PPL: variants seen among roughly 807,000 people sequenced by gnomAD.
PPL encodes the protein periplakin.
A neutral mutation model predicts 194.4 loss-of-function variants in PPL; 198 were observed. That is an observed-to-expected ratio of 1.02 (90% CI 0.91 to 1.15). The LOEUF (loss-of-function observed/expected upper bound fraction) is 1.15, where lower values mean the gene tolerates loss of function less well. PPL is among the 50% of genes most tolerant of loss of function. The probability of loss-of-function intolerance (pLI) is 0.00; values close to 1 mark genes in which losing one functional copy is unlikely to be tolerated. For synonymous variants in PPL, 1,220 were observed against 972.4 expected (o/e 1.25, Z -4.74); for missense variants, 2,885 against 2,294.8 (o/e 1.26, Z -5.25).
intron 4 of PPL, among the ~76,000 whole-genome samples, chr16:4,901,467 T>C (rs2088569609): frequency 6.6e-6 from 1 of 152,108 alleles, no homozygotes; most frequent in Admixed American, 6.5e-5. Flanking sequence ...TGGGGTCGGA[T>C]CGCTTGAGCC....
chr16:4,896,978 T>C (rs983371987), intron 9 of PPL, among the ~76,000 whole-genome samples: 2 of 151,930 alleles, frequency 1.3e-5, no homozygotes, highest in Non-Finnish European at 2.9e-5. Context: ...GTTTTGCAAG[T>C]AGATGGTGGT....
At chr16:4,893,811 A>AAAG in intron 12 of PPL, 173 bp from the exon 13 acceptor site, 1 of 593,974 alleles carries the variant, frequency 1.7e-6, no homozygotes, top group Non-Finnish European at 3.0e-6. Context: ...CTGGGCTCAG[A>AAAG]GCTCTTCTCC....
chr16:4,916,155 G>C (rs1298003371), intron 1 of PPL, among the ~76,000 whole-genome samples: 1 of 152,180 alleles, frequency 6.6e-6, no homozygotes, highest in African/African-American at 2.4e-5. Context: ...TCCACAAAAA[G>C]TTAAGCAGTC....
chr16:4,904,841 C>T (rs777607404), intron 2 of PPL, among the ~76,000 whole-genome samples: 2 of 152,084 alleles, frequency 1.3e-5, no homozygotes, highest in Non-Finnish European at 2.9e-5. Context: ...TGGCAGCAGC[C>T]AGGTGACAGC....
Position 4,892,164 on chromosome 16 carries a change from G to C in PPL, c.1700C>G (p.Thr567Arg). 6.2e-7 allele frequency: 1 copy of C among 1,613,808 alleles called. No individual in the cohort carries two copies. Residue 567 changes from threonine to arginine, a missense_variant, in exon 15 of 22, where the codon ACG becomes AGG. Physicochemically the swap from Thr to Arg is moderately conservative, Grantham distance 71 (BLOSUM62 -1). Transcript: ENST00000345988. ...CTGGATGAAGGCTTCGCCCTCAGCC[G>C]TGCTCCGCGTCTTCTCAGGTTCAAT... ...LRIEPEKTRS[T>R]AEGEAFIQAL...
At position 4,899,110 on chromosome 16, in the gene PPL, T is replaced by C. The variant is rs143952365; in HGVS notation, c.779A>G (p.Asn260Ser). Residue 260 changes from asparagine to serine, a missense_variant, in exon 8 of 22, where the codon AAC (asparagine) becomes AGC (serine). Coordinates refer to ENST00000345988, the MANE Select transcript of PPL (RefSeq NM_002705.5). Reference protein sequence around the residue: ...SRRRQYENFINRNLEAKEERI... With the variant: ...SRRRQYENFISRNLEAKEERI... ...CTCCTCTTTGGCCTCCAGGTTCCGG[T>C]TGATGAAATTCTGCAGTGGGGGGCA... 2.1e-5 allele frequency: 34 copies of C among 1,583,552 alleles called. No homozygotes were observed. Among genetic ancestry groups the C allele is most frequent in the Non-Finnish European group, 2.5e-5 (29 of 1,162,594 alleles).
At chr16:4,926,979 C>T (rs2089166878) in intron 1 of PPL, among the ~76,000 whole-genome samples, 1 of 150,500 alleles carries the variant, frequency 6.6e-6, no homozygotes, top group African/African-American at 2.4e-5. Flanking sequence ...TATAATCTAA[C>T]TTTAATGATG....
Position 4,894,673 on chromosome 16 carries a change from G to A in PPL, c.1243-55C>T, listed in dbSNP as rs572382723. The A allele has an allele frequency of 7.7e-5, 121 of 1,581,426 alleles. No individual in the cohort carries two copies. The African/African-American group carries it at 1.4e-3, about 19-fold the overall frequency. On this transcript the variant is annotated intron_variant, in intron 11 of 21. Coordinates refer to ENST00000345988, the MANE Select transcript of PPL (RefSeq NM_002705.5). The stretch of plus-strand genomic sequence containing the variant: ...CCCGGCAGGGCCTGAGGGCCTGGGA[G>A]CCCGGTTGCCATCTCAGCCCCCGAC...
Position 4,909,748 on chromosome 16 carries a change from C to T in PPL, c.162+1102G>A, listed in dbSNP as rs570272002. 1.6e-4 allele frequency among the ~76,000 whole-genome samples: 25 copies of T among 152,190 alleles called. 1 individual carries two copies. In the East Asian group the frequency reaches 2.9e-3, roughly 18 times the overall value. On this transcript the variant is annotated intron_variant, in intron 2 of 21. Coordinates refer to ENST00000345988, the MANE Select transcript of PPL (RefSeq NM_002705.5). ...ACCTGGCCTGGTCCCACTTCTTAGT[C>T]GCCCCTGCATAGGGATGCCAGATGA...
At chr16:4,908,106 G>C (rs1194428760) in intron 2 of PPL, among the ~76,000 whole-genome samples, 1 of 146,446 alleles carries the variant, frequency 6.8e-6, no homozygotes, top group African/African-American at 2.5e-5. Flanking sequence ...AGGTTGCAGT[G>C]AGCCGAGATA....
chr16:4,893,966 C>T, intron 12 of PPL: 1 of 402,440 alleles, frequency 2.5e-6, no homozygotes, highest in Non-Finnish European at 4.5e-6. Context: ...GAATGATCCA[C>T]TCATTCAGCA....
In PPL at chr16:4,903,902, C is replaced by G; in HGVS notation, c.301G>C (p.Asp101His). ...GGGACCTACTCCTCGGCGATCATGT[C>G]CCCCTGTGGGTGCTTCATGTGCTTG... ...IAKHMKHPQGDMIAEDIRQLK... is the reference protein window; with the variant it reads ...IAKHMKHPQGHMIAEDIRQLK... Residue 101 changes from aspartate (D) to histidine (H), a missense_variant, in exon 3 of 22, where the codon GAC becomes CAC. Asp to His is a moderately conservative substitution (Grantham distance 81, BLOSUM62 -1). Coordinates refer to ENST00000345988, the MANE Select transcript of PPL (RefSeq NM_002705.5). The G allele has an allele frequency of 6.2e-7, 1 of 1,614,050 alleles. No homozygotes were observed. The highest frequency in any genetic ancestry group is 8.5e-7 in the Non-Finnish European group (1 of 1,180,038).
chr16:4,890,463 G>C, intron 17 of PPL, 129 bp from the exon 18 acceptor site: 2 of 1,248,944 alleles, frequency 1.6e-6, no homozygotes, highest in Non-Finnish European at 2.2e-6. Flanking sequence ...TCCCACACAG[G>C]GTGGGTGGTC....
chr16:4,924,979 T>C (rs1190544257), intron 1 of PPL, among the ~76,000 whole-genome samples: 1 of 152,212 alleles, frequency 6.6e-6, no homozygotes, highest in Non-Finnish European at 1.5e-5. Flanking sequence ...TCCTCCCATG[T>C]GTGGACACAG....
At chr16:4,911,574 G>A (rs1280963988) in intron 1 of PPL, among the ~76,000 whole-genome samples, 1 of 152,056 alleles carries the variant, frequency 6.6e-6, no homozygotes, top group African/African-American at 2.4e-5. Flanking sequence ...TCACACTCTT[G>A]CCCAGGCTGG....
rs1367215868 is a variant in PPL at position 4,919,362 on chromosome 16, G to C, written c.63-8413C>G. ...GTTCAGATCCTGACTGCACCAACCA[G>C]CAATGTGACCCTGTGACAGTGTGAC... On this transcript the variant is annotated intron_variant, in intron 1 of 21. Coordinates refer to ENST00000345988, the MANE Select transcript of PPL (RefSeq NM_002705.5). 3.9e-5 allele frequency among the ~76,000 whole-genome samples: 6 copies of C among 152,330 alleles called. No homozygotes were observed. In the East Asian group the frequency reaches 9.7e-4, roughly 25 times the overall value.
rs753092898 is a variant in PPL at position 4,885,621 on chromosome 16, G to A, written c.3034C>T (p.Gln1012Ter). 1.2e-6 allele frequency: 2 copies of A among 1,612,830 alleles called. No individual in the cohort carries two copies. Among genetic ancestry groups the A allele is most frequent in the South Asian group, 2.2e-5 (2 of 91,048 alleles). ...PDRAQADEVL[Q>*]LREELEALRR... ...AGTGCCTCCAGCTCCTCCCGCAGCT[G>A]CAAGACCTCATCCGCCTGGGCCCTG... Residue 1012 changes from glutamine (Q) to a stop codon, truncating the protein, a stop_gained, in exon 22 of 22, where the codon CAG (glutamine) becomes TAG (stop). Coordinates refer to ENST00000345988, the MANE Select transcript of PPL (RefSeq NM_002705.5). LOFTEE classifies it high-confidence loss of function. This position sits in a 1 kb window ranked among gnomAD's most constrained non-coding sequence, Gnocchi z 6.3.
At position 4,884,278 on chromosome 16, in the gene PPL, A is replaced by G; in HGVS notation, c.4377T>C (p.His1459=). ...CTTCCAGCTGGAGTCGGAGCAGGGC[A>G]TGCTCTCGCGCCTGCTGCGGGTCCT... ...LQQDPQQARE[H]ALLRLQLEEE... The change falls in exon 22 of 22, where the codon CAT becomes CAC. Residue 1459 remains histidine (H), a synonymous_variant. Coordinates refer to ENST00000345988, the MANE Select transcript of PPL (RefSeq NM_002705.5). This position sits in a 1 kb window ranked among gnomAD's most constrained non-coding sequence, Gnocchi z 5.7. 1 of 1,612,664 alleles carries G rather than the reference A, an allele frequency of 6.2e-7. No homozygotes were observed. The highest frequency in any genetic ancestry group is 8.5e-7 in the Non-Finnish European group (1 of 1,179,640).
At chr16:4,920,341 G>GAGAGAGAGAA (rs2089019062) in intron 1 of PPL, among the ~76,000 whole-genome samples, 2 of 10,926 alleles carry the variant, frequency 1.8e-4, no homozygotes, top group African/African-American at 2.3e-4. Flanking sequence ...GAAAGAGAGA[G>GAGAGAGAGAA]AGAGAGAAAG....
Sources: allele counts gnomAD v4.1 joint callset (sites outside exome capture counted in the v4.1 genomes callset), GRCh38; gene constraint gnomAD v4.1.1; non-coding constraint Gnocchi (gnomAD v3.1); transcripts MANE v1.5; gene names NCBI Gene and HGNC (gene_info 2026-07-23, HGNC 2026-07-21).